Variants in MMP26 observed in about 807,000 individuals in gnomAD.
MMP26 encodes matrix metallopeptidase 26, also known as matrix metalloproteinase-26.
A neutral mutation model predicts 31.0 loss-of-function variants in MMP26; 33 were observed. The observed-to-expected ratio is 1.06, with a 90% CI of 0.81 to 1.42. The LOEUF (loss-of-function observed/expected upper bound fraction) is 1.42. Ranked by LOEUF, MMP26 falls within the 40% of genes most tolerant of loss-of-function variation. MMP26 has a pLI of 0.00. For synonymous variants in MMP26, 122 were observed against 114.9 expected (o/e 1.06, Z -0.40); for missense variants, 347 against 316.1 (o/e 1.10, Z -0.74).
intron 2 of MMP26, among the ~76,000 whole-genome samples, chr11:4,816,958 C>A (rs1218193365): frequency 6.6e-6 from 1 of 151,154 alleles, no homozygotes; most frequent in East Asian, 2.0e-4. Context: ...GATCCACCCG[C>A]CTCGGCCTCC....
intron 2 of MMP26, among the ~76,000 whole-genome samples, chr11:4,845,501 AC>A (rs1040696055): frequency 1.3e-5 from 2 of 152,180 alleles, no homozygotes; most frequent in African/African-American, 2.4e-5. Flanking sequence ...CTACAAAAAA[AC>A]ATTGGGGAAA....
intron 1 of MMP26, among the ~76,000 whole-genome samples, chr11:4,762,587 G>A (rs188968649): frequency 2.1e-4 from 32 of 152,252 alleles, no homozygotes; most frequent in Admixed American, 1.8e-3. Context: ...TAGAAAATAA[G>A]CTGTAATTAT....
intron 2 of MMP26, among the ~76,000 whole-genome samples, chr11:4,975,386 G>A (rs1418631039): frequency 6.6e-6 from 1 of 151,932 alleles, no homozygotes; most frequent in Non-Finnish European, 1.5e-5. Flanking sequence ...TGCCTGTTAG[G>A]CCTAGTGTCC....
intron 2 of MMP26, among the ~76,000 whole-genome samples, chr11:4,883,638 G>A (rs1288414333): frequency 6.6e-6 from 1 of 151,988 alleles, no homozygotes; most frequent in Non-Finnish European, 1.5e-5. Context: ...CAGAACTGCA[G>A]CTTTTTTCTA....
chr11:4,881,931 C>A (rs1850470432), intron 2 of MMP26: 1 of 1,613,632 alleles, frequency 6.2e-7, no homozygotes, highest in Non-Finnish European at 8.5e-7. Context: ...ACTTCGTCTT[C>A]CTCAAACTTC....
At chr11:4,990,419 G>C (rs542062167) in intron 4 of MMP26, among the ~76,000 whole-genome samples, 179 bp from the exon 5 acceptor site, 1 of 152,220 alleles carries the variant, frequency 6.6e-6, no homozygotes, top group South Asian at 2.1e-4. Flanking sequence ...ATCTATATTT[G>C]CATGTTTAAT....
intron 2 of MMP26, among the ~76,000 whole-genome samples, chr11:4,922,688 T>C (rs753009866): frequency 2.2e-4 from 33 of 152,226 alleles, no homozygotes; most frequent in Non-Finnish European, 4.1e-4. Flanking sequence ...CCTTCATATC[T>C]AAAGGAAGAA....
chr11:4,938,649 T>C lies in MMP26; in HGVS notation c.-144-49419T>C, dbSNP rs151324723. On this transcript the variant is annotated intron_variant, in intron 2 of 7. Transcript: ENST00000380390. ...TGTCTTAATCTCATAAAACCAGTTATCTTATTTCAATTTTATAAAAACTTC... is the reference window on the plus strand; with the variant it reads ...TGTCTTAATCTCATAAAACCAGTTACCTTATTTCAATTTTATAAAAACTTC... Among the ~76,000 whole-genome samples, 428 of 152,202 alleles carry C rather than the reference T, an allele frequency of 2.8e-3. 4 individuals carry two copies. Among genetic ancestry groups the C allele is most frequent in the African/African-American group, 9.9e-3 (413 of 41,536 alleles).
chr11:4,851,109 C>A (rs1204768734), intron 2 of MMP26, among the ~76,000 whole-genome samples: 6 of 152,080 alleles, frequency 3.9e-5, no homozygotes, highest in Non-Finnish European at 1.5e-5. Context: ...CATTTTGACA[C>A]CCTGGAAATC....
intron 2 of MMP26, among the ~76,000 whole-genome samples, chr11:4,976,114 T>A (rs1332420328): frequency 6.6e-6 from 1 of 152,050 alleles, no homozygotes; most frequent in East Asian, 1.9e-4. Context: ...AACTAGAACA[T>A]TGCACAGATA....
chr11:4,871,467 T>C (rs544112630), intron 2 of MMP26, among the ~76,000 whole-genome samples: 18 of 151,992 alleles, frequency 1.2e-4, no homozygotes, highest in African/African-American at 4.4e-4. Context: ...CATATAGGAC[T>C]GAGAATAATT....
chr11:4,966,338 G>A (rs1384950423), intron 2 of MMP26, among the ~76,000 whole-genome samples: 2 of 152,100 alleles, frequency 1.3e-5, no homozygotes, highest in African/African-American at 4.8e-5. Context: ...GTGTACTCTG[G>A]CCACACTGCT....
At chr11:4,968,110 G>T (rs185022918) in intron 2 of MMP26, among the ~76,000 whole-genome samples, 1 of 152,180 alleles carries the variant, frequency 6.6e-6, no homozygotes, top group African/African-American at 2.4e-5. Flanking sequence ...AGCTTGACAA[G>T]ATATTTGGTT....
intron 1 of MMP26, chr11:4,709,446 T>C (rs955151056): frequency 2.0e-5 from 7 of 342,302 alleles, no homozygotes; most frequent in African/African-American, 1.3e-4. Flanking sequence ...CATTGAAGAA[T>C]AGGATGTGGT....
At chr11:4,894,538 T>TGGAG (rs547993065) in intron 2 of MMP26, among the ~76,000 whole-genome samples, 380 of 152,270 alleles carry the variant, frequency 2.5e-3, no homozygotes, top group Non-Finnish European at 4.1e-3. Context: ...CATTGCCCTA[T>TGGAG]AGAGTCCCAT....
chr11:4,734,891 C>A (rs901335122), intron 1 of MMP26, among the ~76,000 whole-genome samples: 1 of 136,318 alleles, frequency 7.3e-6, no homozygotes, highest in Admixed American at 7.7e-5. Context: ...TAGGATTGAG[C>A]TGGGGAAAGG....
intron 2 of MMP26, among the ~76,000 whole-genome samples, chr11:4,846,667 C>T (rs1237630491): frequency 6.6e-6 from 1 of 151,988 alleles, no homozygotes; most frequent in African/African-American, 2.4e-5. Flanking sequence ...TCATGTACCC[C>T]ATAAATATAT....
chr11:4,922,727 G>A (rs1851203184), intron 2 of MMP26, among the ~76,000 whole-genome samples: 2 of 152,116 alleles, frequency 1.3e-5, no homozygotes, highest in Admixed American at 6.5e-5. Context: ...TTACTCAGGT[G>A]ATAATCCTCA....
chr11:4,888,332 T>TA (rs1204745120), intron 2 of MMP26, among the ~76,000 whole-genome samples: 1 of 152,116 alleles, frequency 6.6e-6, no homozygotes, highest in Non-Finnish European at 1.5e-5. Context: ...TATTTTCTTT[T>TA]AAAAATATGA....
Sources: gnomAD v4.1 joint callset for allele counts (sites outside exome capture counted in the v4.1 genomes callset) on GRCh38, gnomAD v4.1.1 for gene constraint, MANE v1.5 for transcripts, NCBI Gene and HGNC (gene_info 2026-07-23, HGNC 2026-07-21) for gene names.